Variants in NAV1 observed in about 807,000 individuals in gnomAD.
The protein encoded by NAV1 is pore membrane and/or filament interacting like protein 3.
NAV1 carries 18 observed loss-of-function variants against 175.2 expected under a neutral mutation model. The ratio of observed to expected loss-of-function variants is 0.10; its 90% CI spans 0.07 to 0.15. The LOEUF is 0.15. Among genes scored for constraint, NAV1 ranks in the 10% least tolerant of loss-of-function variants. The pLI, the probability that NAV1 is intolerant of heterozygous loss-of-function variation, is 1.00. For missense variants in NAV1, 1,731 were observed against 2,436.6 expected, an observed-to-expected ratio of 0.71 and a Z score of 6.10; for synonymous variants, 897 against 978.7, an observed-to-expected ratio of 0.92 and a Z score of 1.56.
intron 28 of NAV1, among the ~76,000 whole-genome samples, chr1:201,816,337 C>T (rs950676490): frequency 5.9e-5 from 9 of 152,108 alleles, no homozygotes; most frequent in Non-Finnish European, 1.2e-4. Context: ...CACCATTGCA[C>T]TCCAGCCTGG....
chr1:201,595,982 G>T (rs1369647878), intron 2 of NAV1, among the ~76,000 whole-genome samples: 1 of 152,232 alleles, frequency 6.6e-6, no homozygotes, highest in Non-Finnish European at 1.5e-5. Context: ...GTGGAGTCAT[G>T]GTTTAGAATA....
chr1:201,580,096 G>A (rs756500197), intron 1 of NAV1, among the ~76,000 whole-genome samples: 4 of 152,226 alleles, frequency 2.6e-5, no homozygotes, highest in South Asian at 2.1e-4. Flanking sequence ...GGAGAAAACT[G>A]TCCCAGCTCC....
At chr1:201,590,188 C>T (rs1352916222) in intron 2 of NAV1, among the ~76,000 whole-genome samples, 2 of 152,182 alleles carry the variant, frequency 1.3e-5, no homozygotes, top group Non-Finnish European at 2.9e-5. Flanking sequence ...CCACCATGCC[C>T]GCCCAGGGAA....
intron 24 of NAV1, among the ~76,000 whole-genome samples, chr1:201,811,304 C>T (rs146331217): frequency 1.3e-5 from 2 of 152,268 alleles, no homozygotes; most frequent in South Asian, 2.1e-4. Flanking sequence ...CTTTGCTCTT[C>T]CCAGCTCGGG....
chr1:201,677,992 T>A lies in NAV1; in HGVS notation c.757+28567T>A, dbSNP rs1302007040. On this transcript the variant is annotated intron_variant, in intron 1 of 29. Transcript: ENST00000367296. ...CATGCTGCCCCATTCTGCTTCCTATTCTGTCCAATGTCCCCGAAGTTTAGA... is the reference window on the plus strand; with the variant it reads ...CATGCTGCCCCATTCTGCTTCCTATACTGTCCAATGTCCCCGAAGTTTAGA... Among the ~76,000 whole-genome samples the A allele has an allele frequency of 3.9e-5, 6 of 152,158 alleles. No individual in the cohort carries two copies. The East Asian group carries it at 1.2e-3, about 29-fold the overall frequency.
chr1:201,641,061 G>A (rs1306396693), intron 2 of NAV1, among the ~76,000 whole-genome samples: 2 of 152,162 alleles, frequency 1.3e-5, no homozygotes, highest in South Asian at 2.1e-4. Context: ...AAGCGGGGCC[G>A]GGGAGAAGAG....
intron 1 of NAV1, among the ~76,000 whole-genome samples, chr1:201,564,420 G>C (rs1311811132): frequency 6.6e-6 from 1 of 152,152 alleles, no homozygotes; most frequent in South Asian, 2.1e-4. Flanking sequence ...TTCGAGACCA[G>C]CCTGGGCAAC....
At chr1:201,819,653 T>C (rs894611120) in intron 29 of NAV1, among the ~76,000 whole-genome samples, 184 bp from the exon 34 acceptor site, 2 of 152,084 alleles carry the variant, frequency 1.3e-5, no homozygotes, top group African/African-American at 4.8e-5. Context: ...TATTGTTTTA[T>C]TTTTATTTTT....
Position 201,810,436 on chromosome 1 carries a change from C to T in NAV1, c.4562-87C>T. 1.6e-6 allele frequency: 2 copies of T among 1,289,294 alleles called. No individual in the cohort carries two copies. Among genetic ancestry groups the T allele is most frequent in the Non-Finnish European group, 2.1e-6 (2 of 933,066 alleles). 79.9% of individuals were successfully genotyped at this position (1,289,294 alleles called of 1,614,324 possible). The stretch of plus-strand genomic sequence containing the variant: ...GGCTCTGAGTTTCTTCAGGGGGCTC[C>T]TAGATAAAGAAAGAAAAGCCCTTTA... On this transcript the variant is annotated intron_variant, in intron 23 of 29. Transcript: ENST00000367296. This position sits in a 1 kb window ranked among gnomAD's most constrained non-coding sequence, Gnocchi z 6.0.
chr1:201,648,677 C>T, exon 1 of NAV1: 2 of 1,416,326 alleles, frequency 1.4e-6, no homozygotes, highest in Non-Finnish European at 1.8e-6. Context: ...GAATGCTGGG[C>T]AGCAGCGTCA....
intron 3 of NAV1, among the ~76,000 whole-genome samples, chr1:201,743,962 G>T (rs982459179): frequency 6.6e-6 from 1 of 152,102 alleles, no homozygotes; most frequent in African/African-American, 2.4e-5. Flanking sequence ...TCAGCTCACC[G>T]CAATGTGTGC....
chr1:201,797,855 C>G (rs1237796435), intron 15 of NAV1: 1 of 152,208 alleles, frequency 6.6e-6, no homozygotes, highest in Non-Finnish European at 1.5e-5. Flanking sequence ...TTGCTGGGCT[C>G]ACTTATCAGC....
At chr1:201,767,178 G>T (rs1675260844) in intron 3 of NAV1, among the ~76,000 whole-genome samples, 2 of 150,994 alleles carry the variant, frequency 1.3e-5, no homozygotes, top group African/African-American at 4.8e-5. Flanking sequence ...CAAAGGCCAG[G>T]CATGGTGGCT....
At chr1:201,640,228 C>A (rs1192082266) in intron 2 of NAV1, among the ~76,000 whole-genome samples, 2 of 152,192 alleles carry the variant, frequency 1.3e-5, no homozygotes, top group African/African-American at 4.8e-5. Flanking sequence ...AGGGAGTCTT[C>A]TGGGGCCAGA....
chr1:201,797,534 G>C (rs538997700), intron 15 of NAV1: 1 of 152,110 alleles, frequency 6.6e-6, no homozygotes, highest in Non-Finnish European at 1.5e-5. Flanking sequence ...TTCAGGATTC[G>C]TTTGTTAATC....
chr1:201,604,538 C>T (rs748319682), intron 2 of NAV1, among the ~76,000 whole-genome samples: 8 of 151,896 alleles, frequency 5.3e-5, no homozygotes, highest in African/African-American at 1.7e-4. Flanking sequence ...AAAAATTAGC[C>T]GGGCATGCTA....
At chr1:201,678,657 C>T (rs1369438114) in intron 1 of NAV1, among the ~76,000 whole-genome samples, 5 of 152,180 alleles carry the variant, frequency 3.3e-5, no homozygotes, top group Non-Finnish European at 5.9e-5. Flanking sequence ...TCTGACTTCA[C>T]CCAGCCTCCA....
At chr1:201,561,881 A>G (rs1356506219) in intron 1 of NAV1, among the ~76,000 whole-genome samples, 2 of 152,266 alleles carry the variant, frequency 1.3e-5, no homozygotes, top group Non-Finnish European at 2.9e-5. Flanking sequence ...TTAGGCAGTA[A>G]GCTTGGTCAC....
chr1:201,816,223 T>C (rs1679020019), intron 28 of NAV1, among the ~76,000 whole-genome samples: 3 of 151,998 alleles, frequency 2.0e-5, no homozygotes, highest in Non-Finnish European at 4.4e-5. Context: ...TACAAAAAAT[T>C]AGCCGAGCGT....
Sources: gnomAD v4.1 joint callset for allele counts (sites outside exome capture counted in the v4.1 genomes callset) on GRCh38, gnomAD v4.1.1 for gene constraint, Gnocchi (gnomAD v3.1) non-coding constraint, MANE v1.5 for transcripts, NCBI Gene and HGNC (gene_info 2026-07-23, HGNC 2026-07-21) for gene names.